The following NCOR2 variants were observed in gnomAD, a reference collection of about 807,000 sequenced individuals.
The protein encoded by NCOR2 is CTG repeat protein 26.
NCOR2 carries 81 observed loss-of-function variants against 262.9 expected under a neutral mutation model. That is an observed-to-expected ratio of 0.31 (90% confidence interval 0.26 to 0.37). The LOEUF (loss-of-function observed/expected upper bound fraction) is 0.37. NCOR2 is among the 10% of genes least tolerant of loss of function. The probability of loss-of-function intolerance (pLI) is 1.00; values close to 1 mark genes in which losing one functional copy is unlikely to be tolerated. For synonymous variants in NCOR2, 1,659 were observed against 1,559.3 expected, an observed-to-expected ratio of 1.06 and a Z score of -1.51; for missense variants, 3,385 against 3,621.4, an observed-to-expected ratio of 0.93 and a Z score of 1.68.
exon 8 of NCOR2, chr12:124,437,955 C>T: frequency 6.2e-7 from 1 of 1,612,528 alleles, no homozygotes; most frequent in Non-Finnish European, 8.5e-7. Flanking sequence ...GTGATTCCTC[C>T]TCTTGAAGTA....
intron 22 of NCOR2, among the ~76,000 whole-genome samples, chr12:124,357,883 TGAA>T (rs1010771226): frequency 6.2e-5 from 9 of 145,212 alleles, no homozygotes; most frequent in Non-Finnish European, 1.0e-4. Flanking sequence ...TACACAATGT[TGAA>T]GGAGGTAACC....
chr12:124,372,540 C>T (rs1350039079), exon 20 of NCOR2: 2 of 1,597,198 alleles, frequency 1.3e-6, no homozygotes, highest in Non-Finnish European at 1.7e-6. Context: ...GCCCATTCTG[C>T]CCTGTGTCCT....
At chr12:124,408,715 C>G (rs780381521) in intron 13 of NCOR2, among the ~76,000 whole-genome samples, 1 of 152,202 alleles carries the variant, frequency 6.6e-6, no homozygotes, top group Non-Finnish European at 1.5e-5. Flanking sequence ...CACCACTGCA[C>G]TCTAGCCTGG....
chr12:124,342,438 T>C (rs2036533323), intron 33 of NCOR2, among the ~76,000 whole-genome samples: 1 of 152,222 alleles, frequency 6.6e-6, no homozygotes, highest in East Asian at 1.9e-4. Flanking sequence ...GGCGCGATCT[T>C]GGCTCACTGC....
intron 10 of NCOR2, among the ~76,000 whole-genome samples, chr12:124,428,589 G>A (rs1196957090): frequency 2.6e-5 from 4 of 152,158 alleles, no homozygotes; most frequent in African/African-American, 4.8e-5. Flanking sequence ...AGGGCAGCGC[G>A]TTCTGTTGTC....
At chr12:124,562,939 C>A (rs1295909562) in intron 1 of NCOR2, among the ~76,000 whole-genome samples, 2 of 152,182 alleles carry the variant, frequency 1.3e-5, no homozygotes, top group African/African-American at 4.8e-5. Flanking sequence ...ATCTCACAAC[C>A]ATAAAGTCAG....
intron 22 of NCOR2, among the ~76,000 whole-genome samples, chr12:124,359,170 T>G (rs2038288922): frequency 6.6e-6 from 1 of 152,170 alleles, no homozygotes; most frequent in African/African-American, 2.4e-5. Flanking sequence ...TGTCCTCAGC[T>G]CTGAACCTCT....
At chr12:124,342,022 G>T (rs1333254097) in exon 34 of NCOR2, 1 of 1,612,904 alleles carries the variant, frequency 6.2e-7, no homozygotes, top group African/African-American at 1.3e-5. Flanking sequence ...GTGGGTACAG[G>T]TGCGGGTAGG....
chr12:124,370,844 A>G (rs1339955334), intron 20 of NCOR2, among the ~76,000 whole-genome samples: 1 of 152,128 alleles, frequency 6.6e-6, no homozygotes, highest in Non-Finnish European at 1.5e-5. Flanking sequence ...GGGGTCCTCC[A>G]GGCCACCCCA....
intron 16 of NCOR2, among the ~76,000 whole-genome samples, chr12:124,395,701 C>A (rs938781212): frequency 6.6e-6 from 1 of 151,932 alleles, no homozygotes; most frequent in East Asian, 1.9e-4. Context: ...GCGGTGGGGG[C>A]GGGGGTGGTC....
chr12:124,383,484 A>G, intron 17 of NCOR2: 1 of 928,398 alleles, frequency 1.1e-6, no homozygotes, highest in Non-Finnish European at 1.4e-6. Flanking sequence ...ACCTTGGCCC[A>G]GTGCTCATAC....
intron 38 of NCOR2, 32 bp from the exon 41 acceptor site, chr12:124,335,664 C>T: frequency 6.4e-7 from 1 of 1,573,976 alleles, no homozygotes. Context: ...GAGTCAGGCA[C>T]CGGGCCCAGG....
At chr12:124,376,700 G>C (rs187571625) in intron 18 of NCOR2, among the ~76,000 whole-genome samples, 1 of 152,356 alleles carries the variant, frequency 6.6e-6, no homozygotes, top group East Asian at 1.9e-4. Context: ...AAACCCTGCG[G>C]GCTGGAGGAG....
exon 38 of NCOR2, chr12:124,337,111 G>A (rs764428125): frequency 4.2e-5 from 63 of 1,509,494 alleles, no homozygotes; most frequent in Non-Finnish European, 4.4e-5. Flanking sequence ...CGAGGGTGCC[G>A]CCCAGTGGGC....
At chr12:124,348,043 G>T in intron 29 of NCOR2, 131 bp downstream of exon 31, 5 of 1,480,912 alleles carry the variant, frequency 3.4e-6, no homozygotes, top group Non-Finnish European at 4.6e-6. Flanking sequence ...GCACGGGAAG[G>T]TCCCTGCGCT....
intron 13 of NCOR2, among the ~76,000 whole-genome samples, chr12:124,410,490 A>G (rs941795170): frequency 6.6e-6 from 1 of 151,410 alleles, no homozygotes; most frequent in African/African-American, 2.4e-5. Flanking sequence ...AACTGCACCC[A>G]ATCCTGCCCA....
chr12:124,466,055 G>A (rs917628168), intron 5 of NCOR2, 118 bp downstream of exon 7: 3 of 965,658 alleles, frequency 3.1e-6, no homozygotes, highest in Admixed American at 2.5e-5. Flanking sequence ...CTGGGGGAGA[G>A]GGTGGCGAGG....
At chr12:124,543,984 T>C (rs995272890) in intron 1 of NCOR2, among the ~76,000 whole-genome samples, 1 of 152,208 alleles carries the variant, frequency 6.6e-6, no homozygotes, top group Non-Finnish European at 1.5e-5. Context: ...CCTCCCCCTG[T>C]GCAGATGGAG....
At chr12:124,357,796 G>C (rs1256991515) in intron 22 of NCOR2, among the ~76,000 whole-genome samples, 1 of 151,886 alleles carries the variant, frequency 6.6e-6, no homozygotes, top group Non-Finnish European at 1.5e-5. Flanking sequence ...CCTGTGATGT[G>C]TGTGTGTGTG....
Sources: allele counts gnomAD v4.1 joint callset (sites outside exome capture counted in the v4.1 genomes callset), GRCh38; gene constraint gnomAD v4.1.1; transcripts MANE v1.5; gene names NCBI Gene and HGNC (gene_info 2026-07-23, HGNC 2026-07-21).